Variants in CHN2 observed in about 807,000 individuals in gnomAD.
CHN2 encodes beta-chimaerin.
CHN2 carries 35 observed loss-of-function variants against 56.3 expected under a neutral mutation model. That is an observed-to-expected ratio of 0.62 (90% confidence interval 0.47 to 0.82). The LOEUF is 0.82. Among genes scored for constraint, CHN2 ranks in the 40% least tolerant of loss-of-function variants. The pLI, the probability that CHN2 is intolerant of heterozygous loss-of-function variation, is 0.00. For missense variants in CHN2, 491 were observed against 580.5 expected (o/e 0.85, Z 1.58); for synonymous variants, 210 against 212.8 (o/e 0.99, Z 0.12).
chr7:29,162,506 A>T (rs1175164107), intron 2 of CHN2, among the ~76,000 whole-genome samples: 1 of 152,116 alleles, frequency 6.6e-6, no homozygotes, highest in Admixed American at 6.5e-5. Context: ...TACTAAAAAT[A>T]CAAAATTAGC....
chr7:29,456,982 G>A (rs1414443943), intron 6 of CHN2, among the ~76,000 whole-genome samples: 2 of 152,094 alleles, frequency 1.3e-5, no homozygotes, highest in Admixed American at 1.3e-4. Context: ...GTCACACAGA[G>A]GCACACTGGT....
intron 6 of CHN2, among the ~76,000 whole-genome samples, chr7:29,429,666 T>G (rs190885983): frequency 6.6e-6 from 1 of 152,320 alleles, no homozygotes; most frequent in Non-Finnish European, 1.5e-5. Context: ...GTGATTGAGT[T>G]TTATACTAAA....
In CHN2 at chr7:29,398,443, A is replaced by G. The variant is rs1233581503; in HGVS notation, c.247A>G (p.Arg83Gly). Residue 83 changes from arginine (R) to glycine (G), a missense_variant, in exon 5 of 13, where the codon AGA becomes GGA. Physicochemically the swap from Arg to Gly is moderately radical, Grantham distance 125 (BLOSUM62 -2). Transcript: ENST00000222792. ...LGGVEGAYIL[R>G]ESQRQPGCYT... is the part of the protein sequence containing the mutation. ...AGGCGTGGAGGGTGCCTACATCCTT[A>G]GAGAAAGCCAGCGGCAACCAGGATG... 1 of 1,613,692 alleles carries G rather than the reference A, an allele frequency of 6.2e-7. No homozygotes were observed. The highest frequency in any genetic ancestry group is 2.2e-5 in the East Asian group (1 of 44,880).
chr7:29,457,696 G>A (rs999190462), intron 6 of CHN2, among the ~76,000 whole-genome samples: 3 of 152,284 alleles, frequency 2.0e-5, no homozygotes, highest in Admixed American at 6.5e-5. Flanking sequence ...GGAGGGAAAC[G>A]CAAGAAGTAA....
At chr7:29,394,202 C>G (rs1314148113) in intron 4 of CHN2, among the ~76,000 whole-genome samples, 1 of 152,122 alleles carries the variant, frequency 6.6e-6, no homozygotes, top group African/African-American at 2.4e-5. Flanking sequence ...GCCAAATTGC[C>G]TTAATACTCC....
chr7:29,304,214 T>C (rs1793953778), intron 1 of CHN2, among the ~76,000 whole-genome samples: 1 of 152,196 alleles, frequency 6.6e-6, no homozygotes, highest in Non-Finnish European at 1.5e-5. Flanking sequence ...CACGGTTTAG[T>C]AGAAGTACAA....
At chr7:29,284,159 G>A (rs1355105405) in intron 1 of CHN2, among the ~76,000 whole-genome samples, 1 of 151,126 alleles carries the variant, frequency 6.6e-6, no homozygotes, top group Non-Finnish European at 1.5e-5. Flanking sequence ...GCAGTGGTGC[G>A]ATCTCCCCTC....
At chr7:29,381,362 G>T (rs1349118374) in intron 3 of CHN2, among the ~76,000 whole-genome samples, 1 of 152,172 alleles carries the variant, frequency 6.6e-6, no homozygotes, top group Non-Finnish European at 1.5e-5. Flanking sequence ...TGCCAGAAAA[G>T]TATGCCTAAT....
At position 29,482,797 on chromosome 7, in the gene CHN2, CTTTTTTTTTTTTTTTTTTTTTT is replaced by C. The variant is rs375120538; in HGVS notation, c.654+2462_654+2483del. On this transcript the variant is annotated intron_variant, in intron 7 of 12. Coordinates refer to ENST00000222792, the MANE Select transcript of CHN2 (RefSeq NM_004067.4). ...TGCTAGGTGCTGTCTGCACTTTTTTCTTTTTTTTTTTTTTTTTTTTTTTTTTTTTTTTTTTTTTTTTTGAGAC... is the reference window on the plus strand; with the variant it reads ...TGCTAGGTGCTGTCTGCACTTTTTTCTTTTTTTTTTTTTTTTTTTTGAGAC... 2.0e-3 allele frequency among the ~76,000 whole-genome samples: 130 copies of C among 64,202 alleles called. 1 individual carries two copies. Among genetic ancestry groups the C allele is most frequent in the Non-Finnish European group, 2.8e-3 (96 of 34,252 alleles). 42.1% of individuals were successfully genotyped at this position (64,202 alleles called of 152,430 possible). A position where few individuals can be genotyped will look rare whatever the true frequency, so the allele number is the denominator to read the frequency against.
intron 6 of CHN2, among the ~76,000 whole-genome samples, chr7:29,472,281 A>ACACACG (rs1786136128): frequency 7.0e-6 from 1 of 143,502 alleles, no homozygotes; most frequent in African/African-American, 2.5e-5. Context: ...ATACACACAC[A>ACACACG]CACACACACA....
chr7:29,279,003 C>A (rs965699240), intron 1 of CHN2, among the ~76,000 whole-genome samples: 29 of 152,140 alleles, frequency 1.9e-4, no homozygotes, highest in Non-Finnish European at 3.4e-4. Context: ...CTGTCCCCCC[C>A]CAACCCCCAC....
intron 3 of CHN2, among the ~76,000 whole-genome samples, chr7:29,388,591 A>G (rs1055676068): frequency 3.3e-5 from 5 of 152,224 alleles, no homozygotes; most frequent in African/African-American, 1.2e-4. Flanking sequence ...AACTTGCTTA[A>G]ATTCCCACAG....
chr7:29,277,905 AG>A (rs1185866830), intron 1 of CHN2, among the ~76,000 whole-genome samples: 2 of 152,194 alleles, frequency 1.3e-5, no homozygotes, highest in Admixed American at 1.3e-4. Context: ...TCTCCCCTTC[AG>A]CCCCTCAATG....
chr7:29,195,133 G>C, intron 1 of CHN2, 143 bp downstream of exon 1: 1 of 815,184 alleles, frequency 1.2e-6, no homozygotes, highest in Non-Finnish European at 1.8e-6. Context: ...GGTGATACTT[G>C]TTTGGTTCGC....
In CHN2 at chr7:29,220,854, C is replaced by A. The variant is rs186265975; in HGVS notation, c.49+25864C>A. On this transcript the variant is annotated intron_variant, in intron 1 of 12. Coordinates refer to ENST00000222792, the MANE Select transcript of CHN2 (RefSeq NM_004067.4). ...AACTTACTAGTAAAGAAAACCACCA[C>A]CCAGTATCTTTCATGAATCTTAAAA... Among the ~76,000 whole-genome samples, 184 of 152,248 alleles carry A rather than the reference C, an allele frequency of 1.2e-3. 2 individuals are homozygous for A. The highest frequency in any genetic ancestry group is 5.4e-3 in the South Asian group (26 of 4,820).
Position 29,433,481 on chromosome 7 carries a change from C to T in CHN2, c.576+32653C>T, listed in dbSNP as rs116479192. ...ATAGATTTTTTAGAGTGAAATGAGA[C>T]GTACAGGAATAAACCAGAAGTGTCG... On this transcript the variant is annotated intron_variant, in intron 6 of 12. Coordinates refer to ENST00000222792, the MANE Select transcript of CHN2 (RefSeq NM_004067.4). Among the ~76,000 whole-genome samples the T allele has an allele frequency of 8.8e-3, 1,339 of 152,200 alleles. 19 individuals are homozygous for T. Among genetic ancestry groups the T allele is most frequent in the African/African-American group, 0.031 (1,268 of 41,510 alleles).
At chr7:29,216,375 T>G (rs1785344782) in intron 1 of CHN2, among the ~76,000 whole-genome samples, 1 of 152,212 alleles carries the variant, frequency 6.6e-6, no homozygotes, top group African/African-American at 2.4e-5. Flanking sequence ...TGCCAAAAAC[T>G]GTATCAAGTG....
intron 2 of CHN2, among the ~76,000 whole-genome samples, chr7:29,170,716 G>A (rs943885863): frequency 1.3e-5 from 2 of 152,142 alleles, no homozygotes; most frequent in South Asian, 2.1e-4. Context: ...TGATAAAGAC[G>A]TACTCGCGAC....
chr7:29,384,211 T>G (rs940939090), intron 3 of CHN2, among the ~76,000 whole-genome samples: 1 of 152,172 alleles, frequency 6.6e-6, no homozygotes, highest in African/African-American at 2.4e-5. Context: ...TTAACAATTT[T>G]CATATCAACC....
Sources: allele counts gnomAD v4.1 joint callset (sites outside exome capture counted in the v4.1 genomes callset), GRCh38; gene constraint gnomAD v4.1.1; transcripts MANE v1.5; gene names NCBI Gene and HGNC (gene_info 2026-07-23, HGNC 2026-07-21).